The following SORCS2 variants were observed in gnomAD, a reference collection of about 807,000 sequenced individuals.
SORCS2 encodes the protein VPS10 domain-containing receptor SorCS2.
Under a neutral mutation model 141.6 loss-of-function variants are expected in SORCS2, and 100 were observed. That is an observed-to-expected ratio of 0.71 (90% confidence interval 0.60 to 0.83). The LOEUF (loss-of-function observed/expected upper bound fraction) is 0.83. SORCS2 is among the 40% of genes least tolerant of loss of function. SORCS2 has a pLI of 0.00. For synonymous variants in SORCS2, 789 were observed against 676.9 expected (o/e 1.17, Z -2.57); for missense variants, 1,646 against 1,560.2 (o/e 1.05, Z -0.93).
intron 1 of SORCS2, among the ~76,000 whole-genome samples, chr4:7,329,488 G>C (rs901960290): frequency 1.3e-5 from 2 of 152,202 alleles, no homozygotes; most frequent in Non-Finnish European, 1.5e-5. Flanking sequence ...GATGCTGGAC[G>C]TGGCCCCTAC....
At chr4:7,724,272 T>G (rs1726857316) in intron 19 of SORCS2, among the ~76,000 whole-genome samples, 1 of 130,304 alleles carries the variant, frequency 7.7e-6, no homozygotes, top group Non-Finnish European at 1.6e-5. Context: ...ATGGTGATGA[T>G]GGTGGTGGTG....
intron 2 of SORCS2, among the ~76,000 whole-genome samples, chr4:7,437,966 A>G (rs1474003902): frequency 6.6e-6 from 1 of 152,200 alleles, no homozygotes; most frequent in Non-Finnish European, 1.5e-5. Context: ...GAGACATTGT[A>G]TCTCTTTACC....
At chr4:7,630,858 G>A (rs1377976052) in intron 3 of SORCS2, among the ~76,000 whole-genome samples, 1 of 152,038 alleles carries the variant, frequency 6.6e-6, no homozygotes, top group African/African-American at 2.4e-5. Flanking sequence ...CTGGGCAATT[G>A]GGTTTTAAAT....
At chr4:7,425,475 C>A (rs568524760) in intron 2 of SORCS2, among the ~76,000 whole-genome samples, 2 of 152,318 alleles carry the variant, frequency 1.3e-5, no homozygotes, top group East Asian at 3.9e-4. Context: ...AGACGTTCCC[C>A]TTCATTTTGC....
intron 2 of SORCS2, chr4:7,432,720 G>A (rs886782657): frequency 6.6e-6 from 1 of 152,314 alleles, no homozygotes; most frequent in African/African-American, 2.4e-5. Flanking sequence ...GCAGCCCTTG[G>A]AGAATGTGAC....
intron 1 of SORCS2, among the ~76,000 whole-genome samples, chr4:7,237,711 G>A (rs750718556): frequency 2.0e-5 from 3 of 152,042 alleles, no homozygotes; most frequent in Non-Finnish European, 4.4e-5. Flanking sequence ...TATAAAGTGG[G>A]AATAATAATA....
intron 2 of SORCS2, among the ~76,000 whole-genome samples, chr4:7,461,635 C>T (rs1040049396): frequency 1.3e-5 from 2 of 152,194 alleles, no homozygotes; most frequent in Non-Finnish European, 2.9e-5. Context: ...GTAGCAGCAG[C>T]CTCGCTGCTG....
Position 7,495,177 on chromosome 4 carries a change from C to T in SORCS2, c.549-36353C>T, listed in dbSNP as rs189036555. ...CACTGCAGCCTCAGCGTCAAAGCCT[C>T]GCTTGCCCCAGACTAAATGCTGGGG... On this transcript the variant is annotated intron_variant, in intron 2 of 26. Coordinates refer to ENST00000507866, the MANE Select transcript of SORCS2 (RefSeq NM_020777.3). 9.2e-4 allele frequency among the ~76,000 whole-genome samples: 140 copies of T among 152,328 alleles called. 3 individuals carry two copies. In the South Asian group the frequency reaches 0.017, roughly 18 times the overall value.
intron 1 of SORCS2, among the ~76,000 whole-genome samples, chr4:7,282,817 G>A (rs1715968411): frequency 2.0e-5 from 3 of 152,218 alleles, no homozygotes; most frequent in Non-Finnish European, 2.9e-5. Flanking sequence ...GTCTTGCCCT[G>A]TGGGACCCAG....
At chr4:7,379,419 C>T (rs941685351) in intron 1 of SORCS2, among the ~76,000 whole-genome samples, 9 of 152,094 alleles carry the variant, frequency 5.9e-5, no homozygotes, top group East Asian at 3.9e-4. Context: ...TTCAGATAAG[C>T]GTGAGGAGGG....
chr4:7,703,230 C>G (rs1725194721), intron 12 of SORCS2, 50 bp from the exon 13 acceptor site: 1 of 1,495,676 alleles, frequency 6.7e-7, no homozygotes. Context: ...CCTGGAACAA[C>G]CTCCGACCTT....
chr4:7,401,648 G>A (rs1361446068), intron 2 of SORCS2, among the ~76,000 whole-genome samples: 2 of 152,120 alleles, frequency 1.3e-5, no homozygotes, highest in Non-Finnish European at 2.9e-5. Flanking sequence ...TGGGCAGAGT[G>A]GATTTGAAAC....
At chr4:7,387,694 ACACACG>A (rs1169606988) in intron 1 of SORCS2, among the ~76,000 whole-genome samples, 1 of 138,198 alleles carries the variant, frequency 7.2e-6, no homozygotes, top group African/African-American at 3.3e-5. Flanking sequence ...ACACAGAGAT[ACACACG>A]CACATGCACA....
chr4:7,525,851 A>AGTCACCTGTCCCCTCCTCG (rs1733647808), intron 2 of SORCS2, among the ~76,000 whole-genome samples: 1 of 112,706 alleles, frequency 8.9e-6, no homozygotes, highest in African/African-American at 3.8e-5. Flanking sequence ...GCCCTCCTGC[A>AGTCACCTGTCCCCTCCTCG]GTCACCTGTC....
At position 7,486,764 on chromosome 4, in the gene SORCS2, A is replaced by G. The variant is rs147927139; in HGVS notation, c.549-44766A>G. Among the ~76,000 whole-genome samples, 209 of 152,196 alleles carry G rather than the reference A, an allele frequency of 1.4e-3. 2 individuals carry two copies. Among genetic ancestry groups the G allele is most frequent in the African/African-American group, 4.8e-3 (198 of 41,538 alleles). Reference sequence around the variant, plus strand: ...AGGTGTGCGTGCCCCCAGCCTCTACAGCTGCCCTCCCATGGTGTTTTCTTC... The same window carrying G: ...AGGTGTGCGTGCCCCCAGCCTCTACGGCTGCCCTCCCATGGTGTTTTCTTC... On this transcript the variant is annotated intron_variant, in intron 2 of 26. Coordinates refer to ENST00000507866, the MANE Select transcript of SORCS2 (RefSeq NM_020777.3).
chr4:7,655,171 G>A (rs1360052311), intron 5 of SORCS2, among the ~76,000 whole-genome samples: 1 of 150,456 alleles, frequency 6.6e-6, no homozygotes, highest in Non-Finnish European at 1.5e-5. Flanking sequence ...TTGATGTGCT[G>A]ATTCCATGGC....
intron 2 of SORCS2, among the ~76,000 whole-genome samples, chr4:7,497,339 A>C (rs62280170): frequency 0.063 from 9,576 of 152,296 alleles, 299 homozygotes; most frequent in Non-Finnish European, 0.077. Context: ...CTGTTGCCAG[A>C]GGAGGACTGG....
At chr4:7,354,849 C>A (rs2109012750) in intron 1 of SORCS2, among the ~76,000 whole-genome samples, 1 of 152,306 alleles carries the variant, frequency 6.6e-6, no homozygotes, top group African/African-American at 2.4e-5. Flanking sequence ...ATTTCTTGGC[C>A]ACCCCATGGG....
At chr4:7,510,304 C>T (rs1176457051) in intron 2 of SORCS2, among the ~76,000 whole-genome samples, 1 of 152,322 alleles carries the variant, frequency 6.6e-6, no homozygotes, top group East Asian at 1.9e-4. Flanking sequence ...GCCCCCGATT[C>T]GGGGTGAGCG....
Sources: allele counts gnomAD v4.1 joint callset (sites outside exome capture counted in the v4.1 genomes callset), GRCh38; gene constraint gnomAD v4.1.1; transcripts MANE v1.5; gene names NCBI Gene and HGNC (gene_info 2026-07-23, HGNC 2026-07-21).